The following UNC13B variants were observed in gnomAD, a reference collection of about 807,000 sequenced individuals.
UNC13B encodes unc-13 homolog B, also known as protein unc-13 homolog B.
Under a neutral mutation model 211.0 loss-of-function variants are expected in UNC13B, and 144 were observed. That is an observed-to-expected ratio of 0.68 (90% CI 0.60 to 0.78). UNC13B has a LOEUF of 0.78. Among genes scored for constraint, UNC13B ranks in the 30% least tolerant of loss-of-function variants. The probability of loss-of-function intolerance (pLI) is 0.00; values close to 1 mark genes in which losing one functional copy is unlikely to be tolerated. For missense variants in UNC13B, 1,777 were observed against 2,002.0 expected (o/e 0.89, Z 2.14); for synonymous variants, 709 against 725.8 (o/e 0.98, Z 0.37).
Position 35,305,402 on chromosome 9 carries a change from G to A in UNC13B, c.5998G>A (p.Glu2000Lys), listed in dbSNP as rs1323621457. The A allele has an allele frequency of 2.5e-6, 1 of 398,862 alleles. No homozygotes were observed. Among genetic ancestry groups the A allele is most frequent in the African/African-American group, 2.1e-5 (1 of 48,620 alleles). 24.7% of individuals were successfully genotyped at this position (398,862 alleles called of 1,614,324 possible). A position where few individuals can be genotyped will look rare whatever the true frequency, so the allele number is the denominator to read the frequency against. The change falls in exon 9 of 40, where the codon GAA (glutamate) becomes AAA (lysine). Residue 2000 changes from glutamate to lysine, a missense_variant. Physicochemically the swap from Glu to Lys is moderately conservative, Grantham distance 56. Coordinates refer to ENST00000635942, the MANE Select transcript of UNC13B (RefSeq NM_001371189.2). ...KANVSPIQTT[E>K]NTSVSSMTIK... ...CAATGTATCTCCTATACAGACAACT[G>A]AAAATACGTCTGTTTCTTCAATGAC...
chr9:35,229,637 G>A (rs1477823336), intron 2 of UNC13B, among the ~76,000 whole-genome samples: 3 of 152,116 alleles, frequency 2.0e-5, no homozygotes, highest in South Asian at 4.1e-4. Context: ...ATTGGATGTT[G>A]GGGTGGAGTA....
chr9:35,207,843 G>A (rs1320680301), intron 1 of UNC13B, among the ~76,000 whole-genome samples: 1 of 152,108 alleles, frequency 6.6e-6, no homozygotes, highest in Non-Finnish European at 1.5e-5. Context: ...AAGTGCAAAA[G>A]TTTTAATTTT....
intron 1 of UNC13B, among the ~76,000 whole-genome samples, chr9:35,181,711 C>A (rs1429420853): frequency 6.6e-6 from 1 of 152,038 alleles, no homozygotes; most frequent in East Asian, 1.9e-4. Context: ...GTGGTGCGGG[C>A]CTGTAGTTCC....
In UNC13B at chr9:35,300,520, T is replaced by C. The variant is rs1222706987; in HGVS notation, c.1116T>C (p.Asp372=). Residue 372 remains aspartate, a synonymous_variant, in exon 9 of 40, where the codon GAT becomes GAC. Coordinates refer to ENST00000635942, the MANE Select transcript of UNC13B (RefSeq NM_001371189.2). The stretch of plus-strand genomic sequence containing the variant: ...TTACCTCATTAGATATTCTTGAAGA[T>C]TCTACTAGTAGTACTTCTGATGAAC... ...TNFTSLDILE[D]STSSTSDELL... 7.5e-6 allele frequency: 3 copies of C among 398,934 alleles called. No homozygotes were observed. The highest frequency in any genetic ancestry group is 1.3e-5 in the Non-Finnish European group (3 of 226,060). The allele number at this position is 398,934 out of a possible 1,614,324, so 24.7% of individuals were successfully genotyped here. A position where few individuals can be genotyped will look rare whatever the true frequency, so the allele number is the denominator to read the frequency against.
chr9:35,248,101 G>A (rs1826213298), intron 6 of UNC13B, among the ~76,000 whole-genome samples: 1 of 152,176 alleles, frequency 6.6e-6, no homozygotes, highest in South Asian at 2.1e-4. Flanking sequence ...ATGTGTCGAG[G>A]AATTTATCCT....
At position 35,162,302 on chromosome 9, in the gene UNC13B, C is replaced by A; in HGVS notation, c.19C>A (p.Arg7Ser). 1 of 1,543,270 alleles carries A rather than the reference C, an allele frequency of 6.5e-7. No individual in the cohort carries two copies. Among genetic ancestry groups the A allele is most frequent in the Non-Finnish European group, 8.7e-7 (1 of 1,149,392 alleles). Residue 7 changes from arginine to serine, a missense_variant, in exon 1 of 40, where the codon CGC becomes AGC. Physicochemically the swap from Arg to Ser is moderately radical, Grantham distance 110. Coordinates refer to ENST00000635942, the MANE Select transcript of UNC13B (RefSeq NM_001371189.2). The part of the protein sequence containing the change: MSLLCV[R>S]VKRAKFQGSP... ...CTCGGCCATGTCACTGCTCTGCGTG[C>A]GCGGTGAGTGCGCGGACTGAGGCGG...
At chr9:35,205,680 T>G (rs1382360683) in intron 1 of UNC13B, among the ~76,000 whole-genome samples, 1 of 152,238 alleles carries the variant, frequency 6.6e-6, no homozygotes, top group Non-Finnish European at 1.5e-5. Flanking sequence ...TTTCTTTCAC[T>G]TAACATCATT....
intron 11 of UNC13B, among the ~76,000 whole-genome samples, chr9:35,332,369 A>C (rs989570830): frequency 2.6e-5 from 4 of 152,048 alleles, no homozygotes; most frequent in African/African-American, 9.7e-5. Flanking sequence ...CAATGTTTAA[A>C]ACTTCCCTCT....
chr9:35,355,454 G>T lies in UNC13B; in HGVS notation c.9415-11493G>T, dbSNP rs540672086. On this transcript the variant is annotated intron_variant, in intron 11 of 39. Transcript: ENST00000635942. ...CAAATTTCCCTAGAGCTCCTTCTTA[G>T]AACTTATCAAAAAGAGTCTAAATTC... 7.9e-5 allele frequency among the ~76,000 whole-genome samples: 12 copies of T among 152,188 alleles called. No homozygotes were observed. The South Asian group carries it at 2.1e-3, about 26-fold the overall frequency.
At chr9:35,213,051 G>A (rs1317690342) in intron 1 of UNC13B, among the ~76,000 whole-genome samples, 2 of 152,208 alleles carry the variant, frequency 1.3e-5, no homozygotes, top group African/African-American at 2.4e-5. Context: ...AAGTTAAATG[G>A]AAATAACACA....
At chr9:35,294,268 G>A (rs1829240456) in intron 7 of UNC13B, among the ~76,000 whole-genome samples, 2 of 151,136 alleles carry the variant, frequency 1.3e-5, no homozygotes, top group African/African-American at 4.9e-5. Context: ...CTAATCTTAC[G>A]GTCTTCAGGA....
intron 6 of UNC13B, among the ~76,000 whole-genome samples, chr9:35,253,096 A>G (rs1826609364): frequency 1.3e-5 from 2 of 152,294 alleles, no homozygotes; most frequent in Admixed American, 6.5e-5. Flanking sequence ...GAATATTACT[A>G]TGTATTTATA....
intron 1 of UNC13B, among the ~76,000 whole-genome samples, chr9:35,192,367 T>C (rs1226674771): frequency 6.6e-6 from 1 of 152,242 alleles, no homozygotes; most frequent in East Asian, 1.9e-4. Flanking sequence ...ATAGGAGACA[T>C]ATTGTACATT....
At chr9:35,383,983 T>TC (rs1407231032) in intron 21 of UNC13B, among the ~76,000 whole-genome samples, 1 of 152,132 alleles carries the variant, frequency 6.6e-6, no homozygotes, top group Non-Finnish European at 1.5e-5. Context: ...GAGCCATTTC[T>TC]CCCCCCAGGG....
intron 1 of UNC13B, among the ~76,000 whole-genome samples, chr9:35,176,276 G>C (rs879592808): frequency 3.3e-5 from 5 of 152,096 alleles, no homozygotes; most frequent in Non-Finnish European, 5.9e-5. Flanking sequence ...GGCCGGGTGT[G>C]GTGGCTCATG....
At chr9:35,351,836 G>A in intron 11 of UNC13B, 3 of 1,232,258 alleles carry the variant, frequency 2.4e-6, no homozygotes, top group Non-Finnish European at 3.0e-6. Flanking sequence ...TCCCTCATCT[G>A]TCAGCATTAC....
intron 1 of UNC13B, among the ~76,000 whole-genome samples, chr9:35,186,905 C>A (rs565231251): frequency 2.6e-4 from 40 of 152,178 alleles, no homozygotes; most frequent in African/African-American, 9.4e-4. Flanking sequence ...CCCTTTATAA[C>A]CTTCTTTGTA....
intron 13 of UNC13B, among the ~76,000 whole-genome samples, chr9:35,374,821 A>G (rs952538709): frequency 1.3e-5 from 2 of 152,158 alleles, no homozygotes; most frequent in Non-Finnish European, 2.9e-5. Flanking sequence ...TTGCCTTCCC[A>G]TAAACAAGGA....
chr9:35,207,699 T>C (rs1475932068), intron 1 of UNC13B, among the ~76,000 whole-genome samples: 1 of 152,034 alleles, frequency 6.6e-6, no homozygotes, highest in Non-Finnish European at 1.5e-5. Flanking sequence ...CATTTAAAAA[T>C]TGGATTATTT....
Sources: allele counts gnomAD v4.1 joint callset (sites outside exome capture counted in the v4.1 genomes callset), GRCh38; gene constraint gnomAD v4.1.1; transcripts MANE v1.5; gene names NCBI Gene and HGNC (gene_info 2026-07-23, HGNC 2026-07-21).